The following KCNH1 variants were observed in gnomAD, a reference collection of about 807,000 sequenced individuals.
KCNH1 encodes the protein potassium voltage-gated channel subfamily H member 1.
KCNH1 carries 27 observed loss-of-function variants against 69.2 expected under a neutral mutation model. That is an observed-to-expected ratio of 0.39 (90% CI 0.29 to 0.54). KCNH1 has a LOEUF of 0.54. Among genes scored for constraint, KCNH1 ranks in the 20% least tolerant of loss-of-function variants. KCNH1 has a pLI of 0.68. For synonymous variants in KCNH1, 456 were observed against 487.7 expected (o/e 0.93, Z 0.86); for missense variants, 798 against 1,261.6 (o/e 0.63, Z 5.57).
At position 211,018,864 on chromosome 1, in the gene KCNH1, C is replaced by G. The variant is rs1216783123; in HGVS notation, c.951G>C (p.Glu317Asp). 1 of 1,614,076 alleles carries G rather than the reference C, an allele frequency of 6.2e-7. No individual in the cohort carries two copies. The highest frequency in any genetic ancestry group is 8.5e-7 in the Non-Finnish European group (1 of 1,179,986). ...DVINAFENVD[E>D]VSAFMGDPGK... ...CTGGATCACCCATAAAGGCACTAAC[C>G]TCATCCACGTTCTCAAAAGCGTTGA... Residue 317 changes from glutamate (E) to aspartate (D), a missense_variant, in exon 6 of 11, where the codon GAG becomes GAC. This residue lies in a region of KCNH1 where 266 missense variants were observed against 457.2 expected (regional missense o/e 0.58). Transcript: ENST00000271751.
intron 10 of KCNH1, among the ~76,000 whole-genome samples, chr1:210,711,429 C>T (rs531580923): frequency 1.1e-4 from 17 of 152,272 alleles, no homozygotes; most frequent in African/African-American, 3.4e-4. Context: ...AGCCTTAGCC[C>T]GGGGCCTATG....
At chr1:211,032,045 T>C (rs1435820642) in intron 5 of KCNH1, among the ~76,000 whole-genome samples, 1 of 152,226 alleles carries the variant, frequency 6.6e-6, no homozygotes, top group Non-Finnish European at 1.5e-5. Flanking sequence ...CTTAAGCTGA[T>C]AAGCAACTTC....
chr1:211,113,953 GTCTC>G (rs57115003), intron 1 of KCNH1, among the ~76,000 whole-genome samples: 24 of 132,846 alleles, frequency 1.8e-4, no homozygotes, highest in East Asian at 6.8e-4. Flanking sequence ...CTCTCTCTCT[GTCTC>G]TCTCTCTCTC....
intron 6 of KCNH1, among the ~76,000 whole-genome samples, chr1:211,004,115 A>G (rs1183513250): frequency 6.6e-6 from 1 of 152,154 alleles, no homozygotes; most frequent in Non-Finnish European, 1.5e-5. Context: ...GAAAAAGAAA[A>G]TAATAAGCAA....
At chr1:210,694,849 GA>G (rs1681604197) in intron 10 of KCNH1, among the ~76,000 whole-genome samples, 2 of 152,210 alleles carry the variant, frequency 1.3e-5, no homozygotes, top group Non-Finnish European at 2.9e-5. Context: ...ACTGAATACA[GA>G]GCAATGTATG....
chr1:210,975,036 T>C (rs1196378193), intron 6 of KCNH1, among the ~76,000 whole-genome samples: 1 of 152,188 alleles, frequency 6.6e-6, no homozygotes, highest in African/African-American at 2.4e-5. Context: ...TATTAACCTG[T>C]GTACTTACCA....
intron 6 of KCNH1, among the ~76,000 whole-genome samples, chr1:210,978,818 T>C (rs1434365114): frequency 6.6e-6 from 1 of 152,216 alleles, no homozygotes; most frequent in Non-Finnish European, 1.5e-5. Context: ...GCTTTCATCC[T>C]CTACCAGTGA....
chr1:210,828,295 T>C (rs1438059392), intron 7 of KCNH1, among the ~76,000 whole-genome samples: 1 of 152,150 alleles, frequency 6.6e-6, no homozygotes, highest in Admixed American at 6.5e-5. Context: ...AAGCTCCCAC[T>C]AACATGTACC....
At chr1:210,995,469 G>A (rs550179709) in intron 6 of KCNH1, among the ~76,000 whole-genome samples, 102 of 152,256 alleles carry the variant, frequency 6.7e-4, no homozygotes, top group South Asian at 3.9e-3. Flanking sequence ...ATTAAGATGT[G>A]CTTCCTAAAC....
intron 6 of KCNH1, among the ~76,000 whole-genome samples, chr1:210,954,846 T>G (rs1270619236): frequency 6.6e-6 from 1 of 152,230 alleles, no homozygotes; most frequent in Non-Finnish European, 1.5e-5. Context: ...TCCCATTCTG[T>G]AGGTTGCCTG....
At chr1:210,702,347 T>TATCA (rs1262813603) in intron 10 of KCNH1, among the ~76,000 whole-genome samples, 3 of 152,228 alleles carry the variant, frequency 2.0e-5, no homozygotes, top group Non-Finnish European at 2.9e-5. Context: ...TTTGAACTCC[T>TATCA]ATCAGTTGAA....
At position 210,963,323 on chromosome 1, in the gene KCNH1, A is replaced by G. The variant is rs1034441126; in HGVS notation, c.1033-43254T>C. On this transcript the variant is annotated intron_variant, in intron 6 of 10. Coordinates refer to ENST00000271751, the MANE Select transcript of KCNH1 (RefSeq NM_172362.3). ...TCCAAAGGTAGATAAATCCACGAAG[A>G]TGGGGAGAAATCAGTGCAAAAACAC... 4.6e-5 allele frequency among the ~76,000 whole-genome samples: 7 copies of G among 152,278 alleles called. No homozygotes were observed. In the South Asian group the frequency reaches 1.4e-3, roughly 32 times the overall value.
chr1:210,742,139 G>A (rs1475165598), intron 10 of KCNH1, among the ~76,000 whole-genome samples: 2 of 152,116 alleles, frequency 1.3e-5, no homozygotes, highest in Admixed American at 1.3e-4. Context: ...GAAAGGCAGA[G>A]AACACAAAAA....
chr1:211,094,108 C>G (rs1174669740), intron 3 of KCNH1, among the ~76,000 whole-genome samples: 1 of 152,178 alleles, frequency 6.6e-6, no homozygotes, highest in Non-Finnish European at 1.5e-5. Context: ...GCACCAGGGA[C>G]AGGTTTCATG....
chr1:210,709,458 C>A (rs1019714436), intron 10 of KCNH1, among the ~76,000 whole-genome samples: 4 of 152,134 alleles, frequency 2.6e-5, no homozygotes, highest in African/African-American at 4.8e-5. Context: ...GACTTCTAGC[C>A]TCCAGAACTG....
chr1:210,981,514 C>T (rs1235388811), intron 6 of KCNH1, among the ~76,000 whole-genome samples: 5 of 151,914 alleles, frequency 3.3e-5, no homozygotes, highest in Non-Finnish European at 7.4e-5. Context: ...TAAATGAATT[C>T]GGTCATTAAT....
intron 7 of KCNH1, among the ~76,000 whole-genome samples, chr1:210,881,898 C>G (rs1456690377): frequency 6.6e-6 from 1 of 152,146 alleles, no homozygotes; most frequent in African/African-American, 2.4e-5. Flanking sequence ...GATGAATAGG[C>G]AGAGCACAGA....
Position 211,019,392 on chromosome 1 carries a change from A to G in KCNH1, c.559-136T>C, listed in dbSNP as rs1689549203. The G allele has an allele frequency of 8.2e-6, 5 of 608,710 alleles. No homozygotes were observed. In the South Asian group the frequency reaches 1.0e-4, roughly 12 times the overall value. 37.7% of individuals were successfully genotyped at this position (608,710 alleles called of 1,614,324 possible). A position where few individuals can be genotyped will look rare whatever the true frequency, so the allele number is the denominator to read the frequency against. ...CAGGTACAATAACAGGTATGAAAGA[A>G]GTATGGGAGAATGAAAGTGAACATT... On this transcript the variant is annotated intron_variant, in intron 5 of 10. Transcript: ENST00000271751.
In KCNH1 at chr1:211,092,627, C is replaced by A. The variant is rs141840981; in HGVS notation, c.311-1937G>T. Among the ~76,000 whole-genome samples, 150 of 152,192 alleles carry A rather than the reference C, an allele frequency of 9.9e-4. 2 individuals carry two copies. The East Asian group carries it at 0.024, about 25-fold the overall frequency. On this transcript the variant is annotated intron_variant, in intron 3 of 10. Transcript: ENST00000271751. ...TAGCATTTCAAAGTCAAGAATATGA[C>A]CTTTGAATTGTTCACTGTTTTTGGA...
Sources: allele counts gnomAD v4.1 joint callset (sites outside exome capture counted in the v4.1 genomes callset), GRCh38; gene constraint gnomAD v4.1.1; regional missense constraint gnomAD v4.1.1; transcripts MANE v1.5; gene names NCBI Gene and HGNC (gene_info 2026-07-23, HGNC 2026-07-21).